RUFY4: variants seen among roughly 807,000 people sequenced by gnomAD.
The protein encoded by RUFY4 is RUN and FYVE domain-containing protein 4.
A neutral mutation model predicts 69.0 loss-of-function variants in RUFY4; 73 were observed. The ratio of observed to expected loss-of-function variants is 1.06; its 90% CI spans 0.88 to 1.29. The LOEUF (loss-of-function observed/expected upper bound fraction) is 1.29. Ranked by LOEUF, RUFY4 falls within the 50% of genes most tolerant of loss-of-function variation. The pLI, the probability that RUFY4 is intolerant of heterozygous loss-of-function variation, is 0.00. For synonymous variants in RUFY4, 287 were observed against 271.8 expected (o/e 1.06, Z -0.55); for missense variants, 770 against 705.6 (o/e 1.09, Z -1.03).
exon 1 of RUFY4, chr2:218,035,155 G>C (rs369355918): frequency 7.2e-5 from 11 of 152,346 alleles, no homozygotes; most frequent in African/African-American, 2.2e-4. Context: ...GAGCCGCGCT[G>C]TCGTGCCCCA....
chr2:218,054,335 A>G (rs1689011628), intron 2 of RUFY4, among the ~76,000 whole-genome samples: 1 of 152,144 alleles, frequency 6.6e-6, no homozygotes. Context: ...CGGGAAGATC[A>G]CTTGAGGTCA....
In RUFY4 at chr2:218,072,624, C is replaced by G. The variant is rs1574509811; in HGVS notation, c.279+125C>G. Reference sequence around the variant, plus strand: ...TGCTCTGCATGTCTCCTAAGCCCTGCCCACAGCACCCCTCCAGACACCCTT... The same window carrying G: ...TGCTCTGCATGTCTCCTAAGCCCTGGCCACAGCACCCCTCCAGACACCCTT... On this transcript the variant is annotated intron_variant, in intron 3 of 10. Transcript: ENST00000344321. 9.4e-6 allele frequency: 13 copies of G among 1,380,424 alleles called. 2 individuals are homozygous for G. In the South Asian group the frequency reaches 1.9e-4, roughly 20 times the overall value. The allele number at this position is 1,380,424 out of a possible 1,614,324, so 85.5% of individuals were successfully genotyped here. A position where few individuals can be genotyped will look rare whatever the true frequency, so the allele number is the denominator to read the frequency against.
chr2:218,038,352 A>C (rs1473924413), intron 2 of RUFY4, among the ~76,000 whole-genome samples: 2 of 152,254 alleles, frequency 1.3e-5, no homozygotes, highest in Non-Finnish European at 2.9e-5. Flanking sequence ...GATGCAACTA[A>C]GAAGGAAATT....
chr2:218,089,331 T>G, exon 10 of RUFY4: 1 of 1,613,894 alleles, frequency 6.2e-7, no homozygotes, highest in African/African-American at 1.3e-5. Flanking sequence ...TAGCAAGATC[T>G]TTGGCCGATT....
chr2:218,072,608 T>G, intron 3 of RUFY4, 109 bp downstream of exon 5: 1 of 1,442,844 alleles, frequency 6.9e-7, no homozygotes, highest in Non-Finnish European at 9.2e-7. Context: ...CTGCTCTGCA[T>G]GTCTCCTAAG....
chr2:218,074,326 G>T (rs1689572253), intron 6 of RUFY4, among the ~76,000 whole-genome samples: 1 of 152,124 alleles, frequency 6.6e-6, no homozygotes, highest in African/African-American at 2.4e-5. Flanking sequence ...TGTGGTTCTT[G>T]AACAAGTTAC....
intron 2 of RUFY4, among the ~76,000 whole-genome samples, chr2:218,056,025 G>C (rs989189547): frequency 7.2e-5 from 11 of 152,090 alleles, no homozygotes; most frequent in Admixed American, 7.2e-4. Flanking sequence ...GAGCATCTTC[G>C]GCAATATCCC....
intron 8 of RUFY4, among the ~76,000 whole-genome samples, chr2:218,077,925 C>G (rs1358802875): frequency 2.0e-5 from 3 of 152,198 alleles, no homozygotes; most frequent in African/African-American, 7.2e-5. Context: ...GGAGGAGCAG[C>G]TGGGAGGTTA....
upstream of RUFY4, chr2:218,069,015 A>C (rs1317239498): frequency 6.6e-6 from 1 of 152,456 alleles, no homozygotes; most frequent in Non-Finnish European, 1.5e-5. Flanking sequence ...GCTGAAAACG[A>C]AAAGGAAACT....
chr2:218,077,384 CTCTT>C (rs1162541036), intron 8 of RUFY4, among the ~76,000 whole-genome samples: 1 of 152,198 alleles, frequency 6.6e-6, no homozygotes, highest in Non-Finnish European at 1.5e-5. Context: ...CTCTCTCTCT[CTCTT>C]TCTTTTTGTA....
rs557946127 is a variant in RUFY4, at chr2:218,058,444, C to G, written c.-1157-151C>G. ...AGCCCCAATGTGTTTCTCCCTTCCC[C>G]GACCCTTTAATAAACATCACCTGAA... On this transcript the variant is annotated intron_variant and NMD_transcript_variant, in intron 2 of 13. Transcript: ENST00000457754. Among the ~76,000 whole-genome samples the G allele has an allele frequency of 2.0e-5, 3 of 152,308 alleles. No individual in the cohort carries two copies. The South Asian group carries it at 6.2e-4, about 32-fold the overall frequency.
intron 8 of RUFY4, among the ~76,000 whole-genome samples, chr2:218,082,698 G>A (rs1335069104): frequency 6.6e-6 from 1 of 151,178 alleles, no homozygotes; most frequent in African/African-American, 2.4e-5. Flanking sequence ...TGTTGTGCAA[G>A]TGTGTGTTTA....
At chr2:218,047,618 C>T (rs1015803234) in intron 2 of RUFY4, among the ~76,000 whole-genome samples, 10 of 151,990 alleles carry the variant, frequency 6.6e-5, no homozygotes, top group African/African-American at 2.4e-4. Flanking sequence ...GTTTTAATTA[C>T]ATGTATTAAT....
At chr2:218,062,666 G>T (rs938057045) in intron 3 of RUFY4, among the ~76,000 whole-genome samples, 4 of 152,116 alleles carry the variant, frequency 2.6e-5, no homozygotes, top group Non-Finnish European at 4.4e-5. Flanking sequence ...AGCCGAGATG[G>T]CACTGCTGTG....
chr2:218,074,820 A>G (rs929064387), intron 6 of RUFY4, among the ~76,000 whole-genome samples: 1 of 152,150 alleles, frequency 6.6e-6, no homozygotes, highest in African/African-American at 2.4e-5. Context: ...ATCAATACCC[A>G]AGACCCAGGT....
At chr2:218,085,055 G>T (rs1426954113) in intron 9 of RUFY4, among the ~76,000 whole-genome samples, 7 of 151,976 alleles carry the variant, frequency 4.6e-5, no homozygotes, top group Non-Finnish European at 1.0e-4. Context: ...TCTCAAAAAA[G>T]AAAGAAAGAA....
At chr2:218,057,963 A>C (rs933239566) in intron 2 of RUFY4, among the ~76,000 whole-genome samples, 7 of 152,330 alleles carry the variant, frequency 4.6e-5, no homozygotes, top group African/African-American at 1.7e-4. Flanking sequence ...TAAGGCTGCA[A>C]TGAATGTTCT....
rs1689176206 is a variant in RUFY4 at position 218,061,057 on chromosome 2, C to A, written c.-1071+2376C>A. The A allele has an allele frequency of 6.2e-6, 4 of 646,744 alleles. 1 individual carries two copies. Among genetic ancestry groups the A allele is most frequent in the South Asian group, 5.8e-5 (4 of 69,266 alleles). The allele number at this position is 646,744 out of a possible 1,614,324, so 40.1% of individuals were successfully genotyped here. A position where few individuals can be genotyped will look rare whatever the true frequency, so the allele number is the denominator to read the frequency against. On this transcript the variant is annotated intron_variant and NMD_transcript_variant, in intron 3 of 13. Transcript: ENST00000457754. ...AAGTTGACTTCCTTCAGGAGCTAGA[C>A]CACCTGGCACAGATTGTGCCAAAAA...
chr2:218,068,896 T>A (rs1424898262), upstream of RUFY4: 1 of 152,312 alleles, frequency 6.6e-6, no homozygotes, highest in Non-Finnish European at 1.5e-5. Context: ...GCGCTGCCTC[T>A]CAGCCCAACC....
Sources: allele counts gnomAD v4.1 joint callset (sites outside exome capture counted in the v4.1 genomes callset), GRCh38; gene constraint gnomAD v4.1.1; transcripts MANE v1.5; gene names NCBI Gene and HGNC (gene_info 2026-07-23, HGNC 2026-07-21).